The following CNBD1 variants were observed in gnomAD, a reference collection of about 807,000 sequenced individuals.
CNBD1 encodes cyclic nucleotide binding domain containing 1.
A neutral mutation model predicts 54.4 loss-of-function variants in CNBD1; 71 were observed. That is an observed-to-expected ratio of 1.30 (90% CI 1.08 to 1.59). The LOEUF is 1.59. Among genes scored for constraint, CNBD1 ranks in the 40% most tolerant of loss-of-function variants. The probability of loss-of-function intolerance (pLI) is 0.00; values close to 1 mark genes in which losing one functional copy is unlikely to be tolerated. For missense variants in CNBD1, 659 were observed against 518.0 expected, an observed-to-expected ratio of 1.27 and a Z score of -2.64; for synonymous variants, 182 against 170.7, an observed-to-expected ratio of 1.07 and a Z score of -0.51.
chr8:87,042,252 G>C (rs78442008), intron 4 of CNBD1, among the ~76,000 whole-genome samples: 1 of 152,126 alleles, frequency 6.6e-6, no homozygotes, highest in Admixed American at 6.5e-5. Flanking sequence ...TATCCCAGTG[G>C]AGAAATTGCT....
intron 1 of CNBD1, among the ~76,000 whole-genome samples, chr8:86,867,295 T>TA (rs1410184404): frequency 6.6e-6 from 1 of 152,196 alleles, no homozygotes; most frequent in Admixed American, 6.5e-5. Flanking sequence ...TTAAGATTTT[T>TA]AAAAAATATC....
chr8:87,345,106 C>A (rs1408359581), intron 8 of CNBD1, among the ~76,000 whole-genome samples: 3 of 152,124 alleles, frequency 2.0e-5, no homozygotes, highest in African/African-American at 7.2e-5. Context: ...GACACAAAGT[C>A]ATTTAACTAC....
intron 4 of CNBD1, among the ~76,000 whole-genome samples, chr8:87,122,411 A>G (rs1471963289): frequency 6.6e-6 from 1 of 151,678 alleles, no homozygotes; most frequent in Non-Finnish European, 1.5e-5. Context: ...ATTGGTATTG[A>G]GTTGAGTTTA....
At chr8:87,258,002 A>C (rs1367010298) in intron 6 of CNBD1, among the ~76,000 whole-genome samples, 1 of 152,146 alleles carries the variant, frequency 6.6e-6, no homozygotes, top group Non-Finnish European at 1.5e-5. Context: ...ACATATCTTA[A>C]TATCATTCAC....
intron 2 of CNBD1, among the ~76,000 whole-genome samples, chr8:86,904,586 A>T (rs1484605790): frequency 1.3e-5 from 2 of 152,112 alleles, no homozygotes; most frequent in Non-Finnish European, 2.9e-5. Flanking sequence ...ACTTACAAAA[A>T]GCATCGTAGG....
intron 4 of CNBD1, among the ~76,000 whole-genome samples, chr8:87,006,113 G>C (rs1268661505): frequency 2.6e-5 from 4 of 152,126 alleles, no homozygotes; most frequent in African/African-American, 9.7e-5. Context: ...TTGGAGTTGA[G>C]ATGTACATTA....
intron 8 of CNBD1, among the ~76,000 whole-genome samples, chr8:87,319,711 A>G (rs554920533): frequency 9.2e-5 from 14 of 152,214 alleles, no homozygotes; most frequent in Admixed American, 9.2e-4. Flanking sequence ...CCTCTTTAAC[A>G]TATATTGATT....
intron 4 of CNBD1, among the ~76,000 whole-genome samples, chr8:87,152,327 C>G (rs992532648): frequency 2.0e-5 from 3 of 151,550 alleles, no homozygotes; most frequent in Admixed American, 6.6e-5. Flanking sequence ...TCATTTAACT[C>G]ACACTTCTGT....
At chr8:87,030,291 T>G (rs1809752936) in intron 4 of CNBD1, among the ~76,000 whole-genome samples, 1 of 152,166 alleles carries the variant, frequency 6.6e-6, no homozygotes, top group Admixed American at 6.5e-5. Context: ...GTAAGAATAT[T>G]TACATTTTCT....
chr8:86,918,638 C>T (rs1386234079), intron 3 of CNBD1, among the ~76,000 whole-genome samples: 1 of 151,802 alleles, frequency 6.6e-6, no homozygotes, highest in Admixed American at 6.6e-5. Context: ...TCTGTGCTGC[C>T]ACATAAGACA....
At chr8:87,066,483 C>A (rs1195397182) in intron 4 of CNBD1, among the ~76,000 whole-genome samples, 1 of 151,916 alleles carries the variant, frequency 6.6e-6, no homozygotes, top group African/African-American at 2.4e-5. Context: ...TTAAATCAGT[C>A]TTGCCTCTAT....
chr8:87,195,759 G>A (rs1375648741), intron 4 of CNBD1, among the ~76,000 whole-genome samples: 1 of 150,724 alleles, frequency 6.6e-6, no homozygotes, highest in Non-Finnish European at 1.5e-5. Context: ...TGTTAGTGGC[G>A]ACAGGGTTTC....
chr8:87,314,518 ACAC>A (rs929290338), intron 8 of CNBD1, among the ~76,000 whole-genome samples: 1 of 151,912 alleles, frequency 6.6e-6, no homozygotes, highest in African/African-American at 2.4e-5. Flanking sequence ...CTTACAGTAA[ACAC>A]CAGAACCATT....
At chr8:87,058,089 A>G (rs1188723988) in intron 4 of CNBD1, among the ~76,000 whole-genome samples, 4 of 152,190 alleles carry the variant, frequency 2.6e-5, no homozygotes, top group Non-Finnish European at 5.9e-5. Flanking sequence ...AAATTGACCA[A>G]AACAAAAAGA....
chr8:87,425,989 C>T (rs1254555097), intron 2 of CNBD1, among the ~76,000 whole-genome samples: 2 of 152,242 alleles, frequency 1.3e-5, no homozygotes, highest in African/African-American at 4.8e-5. Context: ...GGGCAGGACC[C>T]TCTGAGCCAG....
intron 10 of CNBD1, among the ~76,000 whole-genome samples, chr8:87,369,092 T>C (rs1294977037): frequency 2.0e-5 from 3 of 152,074 alleles, no homozygotes; most frequent in Non-Finnish European, 4.4e-5. Flanking sequence ...TATCCTTATG[T>C]AGTTATTTTA....
In CNBD1 at chr8:86,870,189, C is replaced by CCTTTTTTTTTT. The variant is rs1554626453; in HGVS notation, c.88+3606_88+3607insCTTTTTTTTTT. On this transcript the variant is annotated intron_variant, in intron 1 of 10. Coordinates refer to ENST00000518476, the MANE Select transcript of CNBD1 (RefSeq NM_173538.3). ...AGAAATTTAGAAACAAGATAGTACT[C>CCTTTTTTTTTT]TTTTTTTTTTTTTTTCTGAGACGGA... 3.4e-4 allele frequency among the ~76,000 whole-genome samples: 34 copies of CCTTTTTTTTTT among 100,600 alleles called. 1 individual carries two copies. Among genetic ancestry groups the CCTTTTTTTTTT allele is most frequent in the African/African-American group, 8.8e-4 (22 of 24,916 alleles). The allele number at this position is 100,600 out of a possible 152,430, so 66.0% of individuals were successfully genotyped here.
intron 10 of CNBD1, among the ~76,000 whole-genome samples, chr8:87,379,882 T>A (rs927150622): frequency 6.6e-6 from 1 of 151,824 alleles, no homozygotes; most frequent in Non-Finnish European, 1.5e-5. Flanking sequence ...CTAAGCAAAA[T>A]TCTGAGTAAA....
intron 4 of CNBD1, among the ~76,000 whole-genome samples, chr8:87,152,627 C>T (rs1812631344): frequency 6.6e-6 from 1 of 152,042 alleles, no homozygotes. Flanking sequence ...CTCCCAAGCC[C>T]TCTTGATACT....
Sources: allele counts gnomAD v4.1 joint callset (sites outside exome capture counted in the v4.1 genomes callset), GRCh38; gene constraint gnomAD v4.1.1; transcripts MANE v1.5; gene names NCBI Gene and HGNC (gene_info 2026-07-23, HGNC 2026-07-21).